Variants in GOLM1 observed in about 807,000 individuals in gnomAD.
The protein encoded by GOLM1 is epididymis luminal protein 46.
GOLM1 carries 31 observed loss-of-function variants against 50.5 expected under a neutral mutation model. That is an observed-to-expected ratio of 0.61 (90% CI 0.46 to 0.83). GOLM1 has a LOEUF of 0.83. Among genes scored for constraint, GOLM1 ranks in the 40% least tolerant of loss-of-function variants. The probability of loss-of-function intolerance (pLI) is 0.00; values close to 1 mark genes in which losing one functional copy is unlikely to be tolerated. For missense variants in GOLM1, 491 were observed against 501.3 expected, an observed-to-expected ratio of 0.98 and a Z score of 0.20; for synonymous variants, 178 against 192.8, an observed-to-expected ratio of 0.92 and a Z score of 0.64.
At chr9:86,084,546 G>A (rs1321382809) in intron 1 of GOLM1, among the ~76,000 whole-genome samples, 1 of 151,948 alleles carries the variant, frequency 6.6e-6, no homozygotes, top group East Asian at 1.9e-4. Context: ...ATATTACCAA[G>A]GTTAATCTCT....
At chr9:86,056,050 A>G (rs979736114) in intron 3 of GOLM1, among the ~76,000 whole-genome samples, 13 of 152,304 alleles carry the variant, frequency 8.5e-5, no homozygotes, top group African/African-American at 1.9e-4. Context: ...TGGGTAAATA[A>G]TATCTTTCAC....
rs1233954654 is a variant in GOLM1 at position 86,077,440 on chromosome 9, C to T, written c.281G>A (p.Ser94Asn). The T allele has an allele frequency of 1.9e-6, 3 of 1,614,068 alleles. No homozygotes were observed. Among genetic ancestry groups the T allele is most frequent in the African/African-American group, 1.3e-5 (1 of 74,948 alleles). Reference sequence around the variant, plus strand: ...TTCGTCCTGGTACAGCTTGTTGACGCTCTCCAGCTGGAAGTTGTGGCTGGA... The same window carrying T: ...TTCGTCCTGGTACAGCTTGTTGACGTTCTCCAGCTGGAAGTTGTGGCTGGA... The part of the protein sequence containing the change: ...IQSSHNFQLE[S>N]VNKLYQDEKA... The change falls in exon 3 of 10, where the codon AGC becomes AAC. Residue 94 changes from serine (S) to asparagine (N), a missense_variant. Physicochemically the swap from Ser to Asn is conservative, Grantham distance 46. Coordinates refer to ENST00000388712, the MANE Select transcript of GOLM1 (RefSeq NM_016548.4).
At chr9:86,074,235 T>TAAAAAAA (rs11333722) in intron 3 of GOLM1, among the ~76,000 whole-genome samples, 2 of 121,446 alleles carry the variant, frequency 1.6e-5, no homozygotes, top group Non-Finnish European at 1.8e-5. Context: ...TTCTAAGATT[T>TAAAAAAA]AAAAAAAAAA....
At chr9:86,061,515 C>CA (rs1361155603) in intron 3 of GOLM1, among the ~76,000 whole-genome samples, 1 of 152,118 alleles carries the variant, frequency 6.6e-6, no homozygotes, top group Non-Finnish European at 1.5e-5. Flanking sequence ...AAACGAGTAA[C>CA]AGAGAAAGAG....
intron 2 of GOLM1, chr9:86,077,960 C>G (rs1402530209): frequency 1.0e-5 from 2 of 196,920 alleles, no homozygotes; most frequent in African/African-American, 4.6e-5. Context: ...TTAGCAGATA[C>G]AATTTCTGAA....
At chr9:86,035,173 G>C (rs572905789) in intron 8 of GOLM1, 195 bp downstream of exon 8, 111 of 985,374 alleles carry the variant, frequency 1.1e-4, no homozygotes, top group Non-Finnish European at 8.7e-5. Flanking sequence ...TCGAGTTCTA[G>C]AGCATATGCT....
intron 5 of GOLM1, 55 bp downstream of exon 5, chr9:86,046,415 G>A (rs994604518): frequency 6.5e-5 from 68 of 1,040,744 alleles, no homozygotes; most frequent in Non-Finnish European, 6.6e-5. Context: ...CTTAATCCCC[G>A]CCTCCCAGGT....
Position 86,036,552 on chromosome 9 carries a change from A to C in GOLM1, c.598-45T>G, listed in dbSNP as rs368456703. 1.7e-3 allele frequency: 2,679 copies of C among 1,597,098 alleles called. 68 individuals are homozygous for C. In the South Asian group the frequency reaches 0.027, roughly 16 times the overall value. Reference sequence around the variant, plus strand: ...CAGCCAGCCAGGGCAGGGCTCTGTGAACAGAAGCCGTAAAAGAATCCTACC... The same window carrying C: ...CAGCCAGCCAGGGCAGGGCTCTGTGCACAGAAGCCGTAAAAGAATCCTACC... On this transcript the variant is annotated intron_variant, in intron 6 of 9. Coordinates refer to ENST00000388712, the MANE Select transcript of GOLM1 (RefSeq NM_016548.4).
intron 1 of GOLM1, among the ~76,000 whole-genome samples, chr9:86,080,704 C>A (rs559129927): frequency 1.3e-5 from 2 of 152,194 alleles, no homozygotes; most frequent in South Asian, 4.2e-4. Flanking sequence ...AAATAAAGCA[C>A]CCCCAGAATT....
At chr9:86,056,249 A>AT (rs1833982876) in intron 3 of GOLM1, among the ~76,000 whole-genome samples, 2 of 152,112 alleles carry the variant, frequency 1.3e-5, no homozygotes, top group Admixed American at 1.3e-4. Context: ...CTTCCAAAAA[A>AT]ATATATTTTT....
At chr9:86,030,057 C>T (rs1832921871) in intron 9 of GOLM1, among the ~76,000 whole-genome samples, 1 of 151,824 alleles carries the variant, frequency 6.6e-6, no homozygotes, top group Non-Finnish European at 1.5e-5. Context: ...ACTGAAAATA[C>T]AAAATTAGCT....
intron 9 of GOLM1, among the ~76,000 whole-genome samples, chr9:86,033,023 CTACT>C (rs781194030): frequency 5.3e-5 from 8 of 152,188 alleles, no homozygotes; most frequent in Non-Finnish European, 8.8e-5. Flanking sequence ...AAAAATCATC[CTACT>C]TAAAGAGTTG....
intron 1 of GOLM1, chr9:86,084,783 C>A (rs550426407): frequency 6.6e-6 from 1 of 152,224 alleles, no homozygotes; most frequent in Non-Finnish European, 1.5e-5. Context: ...GGCACGGAGG[C>A]TCATGCCTGT....
intron 4 of GOLM1, among the ~76,000 whole-genome samples, chr9:86,051,755 C>T (rs1304950230): frequency 6.6e-6 from 1 of 152,108 alleles, no homozygotes; most frequent in Non-Finnish European, 1.5e-5. Flanking sequence ...CCCACCCCCG[C>T]AGCCAGGCAG....
intron 5 of GOLM1, among the ~76,000 whole-genome samples, chr9:86,043,280 A>G (rs1833420489): frequency 1.3e-5 from 2 of 152,312 alleles, no homozygotes; most frequent in Middle Eastern, 3.4e-3. Context: ...TGCCTGCCAC[A>G]GGTGTAGGAG....
At chr9:86,078,626 A>C (rs1834691985) in intron 2 of GOLM1, among the ~76,000 whole-genome samples, 1 of 152,178 alleles carries the variant, frequency 6.6e-6, no homozygotes, top group African/African-American at 2.4e-5. Context: ...AGGCCTAGTC[A>C]AGAAGACGGC....
intron 3 of GOLM1, among the ~76,000 whole-genome samples, chr9:86,053,502 A>C (rs1356286007): frequency 4.6e-4 from 21 of 45,866 alleles, no homozygotes; most frequent in African/African-American, 7.0e-4. Context: ...ATACCACACT[A>C]CACACTGCTC....
At chr9:86,057,105 CAAG>C (rs2118766768) in intron 3 of GOLM1, among the ~76,000 whole-genome samples, 1 of 152,292 alleles carries the variant, frequency 6.6e-6, no homozygotes, top group East Asian at 1.9e-4. Context: ...AAAACACAGA[CAAG>C]GAGGCAATAA....
At position 86,027,651 on chromosome 9, in the gene GOLM1, C is replaced by G; in HGVS notation, c.*166G>C. ...TACCCCCCAAAAGCTGTTTAAAAGA[C>G]CATTCCATTTTTTCCTACACAAAGT... is the stretch of plus-strand genomic sequence containing the variant. On this transcript the variant is annotated 3_prime_UTR_variant, in exon 10 of 10. Transcript: ENST00000388712. 1 of 1,399,490 alleles carries G rather than the reference C, an allele frequency of 7.1e-7. No homozygotes were observed. Among genetic ancestry groups the G allele is most frequent in the South Asian group, 1.7e-5 (1 of 59,122 alleles). 86.7% of individuals were successfully genotyped at this position (1,399,490 alleles called of 1,614,324 possible).
Sources: gnomAD v4.1 joint callset for allele counts (sites outside exome capture counted in the v4.1 genomes callset) on GRCh38, gnomAD v4.1.1 for gene constraint, MANE v1.5 for transcripts, NCBI Gene and HGNC (gene_info 2026-07-23, HGNC 2026-07-21) for gene names.